The following MED13L variants were observed in gnomAD, a reference collection of about 807,000 sequenced individuals.
The protein encoded by MED13L is mediator of RNA polymerase II transcription subunit 13-like.
In MED13L, 7 loss-of-function variants were observed where a neutral mutation model predicts 220.9. The ratio of observed to expected loss-of-function variants is 0.03; its 90% confidence interval spans 0.02 to 0.06. The LOEUF (loss-of-function observed/expected upper bound fraction) is 0.06. MED13L is among the 10% of genes least tolerant of loss of function. The pLI is 1.00. For synonymous variants in MED13L, 1,011 were observed against 1,015.2 expected (o/e 1.00, Z 0.08); for missense variants, 1,965 against 2,760.5 (o/e 0.71, Z 6.46).
chr12:115,965,272 G>A (rs1876067947), intron 29 of MED13L, among the ~76,000 whole-genome samples: 1 of 152,182 alleles, frequency 6.6e-6, no homozygotes, highest in Admixed American at 6.5e-5. Flanking sequence ...TTCACTGTCT[G>A]GATGCACCAC....
intron 1 of MED13L, among the ~76,000 whole-genome samples, chr12:116,248,183 A>C (rs1478314705): frequency 1.3e-5 from 2 of 152,228 alleles, no homozygotes; most frequent in Non-Finnish European, 2.9e-5. Context: ...TAAAAATAAC[A>C]CAGCTGAATG....
rs891784995 is a variant in MED13L at position 116,079,728 on chromosome 12, G to T, written c.479+16941C>A. On this transcript the variant is annotated intron_variant, in intron 4 of 30. Coordinates refer to ENST00000281928, the MANE Select transcript of MED13L (RefSeq NM_015335.5). Reference sequence around the variant, plus strand: ...ATTGGTATTCTTTTTGTAGAGACAGGGTTTTACCATGTTGCCTAGGCTGGT... The same window carrying T: ...ATTGGTATTCTTTTTGTAGAGACAGTGTTTTACCATGTTGCCTAGGCTGGT... Among the ~76,000 whole-genome samples, 3 of 151,964 alleles carry T rather than the reference G, an allele frequency of 2.0e-5. No individual in the cohort carries two copies. In the East Asian group the frequency reaches 5.8e-4, roughly 29 times the overall value.
At chr12:115,981,469 A>G (rs1054081344) in intron 22 of MED13L, among the ~76,000 whole-genome samples, 3 of 152,214 alleles carry the variant, frequency 2.0e-5, no homozygotes, top group African/African-American at 7.2e-5. Context: ...ATTGTTTTTC[A>G]TCTATATAGA....
At chr12:116,096,560 G>A (rs1349555608) in intron 4 of MED13L, 109 bp downstream of exon 4, 8 of 753,814 alleles carry the variant, frequency 1.1e-5, no homozygotes, top group East Asian at 8.1e-5. Flanking sequence ...GGATCTATTT[G>A]AGTATATCTA....
chr12:116,025,084 T>C (rs1190427007), intron 4 of MED13L, among the ~76,000 whole-genome samples: 1 of 152,098 alleles, frequency 6.6e-6, no homozygotes, highest in Non-Finnish European at 1.5e-5. Flanking sequence ...CACTGCTTTG[T>C]TCTGAAAATA....
chr12:116,166,545 C>T (rs773429501), intron 2 of MED13L, among the ~76,000 whole-genome samples: 2 of 151,956 alleles, frequency 1.3e-5, no homozygotes, highest in South Asian at 2.1e-4. Context: ...GATTGCAATG[C>T]TGCATTCCAG....
intron 2 of MED13L, among the ~76,000 whole-genome samples, chr12:116,236,489 A>G (rs1870093383): frequency 6.6e-6 from 1 of 152,002 alleles, no homozygotes; most frequent in South Asian, 2.1e-4. Flanking sequence ...CATTACAGTT[A>G]GTTTTACTCC....
rs1253857262 is a variant in MED13L, at chr12:115,972,256, T to C, written c.5732-20A>G. The stretch of plus-strand genomic sequence containing the variant: ...TCCAATCTGAAATCAAATATCGCAG[T>C]CATACACAGTCTTTAGAAATTCATA... On this transcript the variant is annotated intron_variant, in intron 25 of 30. Transcript: ENST00000281928. 1 of 1,610,796 alleles carries C rather than the reference T, an allele frequency of 6.2e-7. No individual in the cohort carries two copies. Among genetic ancestry groups the C allele is most frequent in the East Asian group, 2.2e-5 (1 of 44,880 alleles).
At chr12:116,110,743 C>A (rs563477964) in intron 3 of MED13L, among the ~76,000 whole-genome samples, 1 of 152,094 alleles carries the variant, frequency 6.6e-6, no homozygotes, top group Admixed American at 6.5e-5. Flanking sequence ...GGGACACTGA[C>A]GATATGAGCC....
At chr12:116,198,338 T>A (rs1250744490) in intron 2 of MED13L, among the ~76,000 whole-genome samples, 2 of 152,148 alleles carry the variant, frequency 1.3e-5, no homozygotes, top group Non-Finnish European at 2.9e-5. Context: ...CACACACATA[T>A]CACATACTTT....
chr12:116,272,499 T>C (rs1873457325), intron 1 of MED13L, among the ~76,000 whole-genome samples: 1 of 152,048 alleles, frequency 6.6e-6, no homozygotes, highest in Non-Finnish European at 1.5e-5. Flanking sequence ...GAGCTGAATG[T>C]TGCAGTGAGC....
intron 4 of MED13L, among the ~76,000 whole-genome samples, chr12:116,029,433 T>C (rs560073247): frequency 2.0e-5 from 3 of 152,106 alleles, no homozygotes; most frequent in Non-Finnish European, 4.4e-5. Context: ...AAAAAACTAG[T>C]GTAATTAAAC....
At chr12:116,140,502 C>T (rs1310807742) in intron 2 of MED13L, among the ~76,000 whole-genome samples, 1 of 152,138 alleles carries the variant, frequency 6.6e-6, no homozygotes. Flanking sequence ...TACCCACACA[C>T]ATATATAGAT....
intron 14 of MED13L, among the ~76,000 whole-genome samples, chr12:116,002,481 G>A (rs904300027): frequency 6.6e-6 from 1 of 152,010 alleles, no homozygotes; most frequent in African/African-American, 2.4e-5. Flanking sequence ...TTAGGGCAAA[G>A]AATATACTCA....
chr12:116,141,337 T>G (rs1349160218), intron 2 of MED13L, among the ~76,000 whole-genome samples: 7 of 152,198 alleles, frequency 4.6e-5, no homozygotes, highest in Admixed American at 4.6e-4. Context: ...ATTATAATCC[T>G]GAAGTTGATT....
At chr12:116,109,377 C>G (rs1260269595) in intron 3 of MED13L, among the ~76,000 whole-genome samples, 1 of 152,072 alleles carries the variant, frequency 6.6e-6, no homozygotes, top group East Asian at 1.9e-4. Flanking sequence ...AAATGAAATA[C>G]CTGCATTTCC....
chr12:116,044,548 C>T lies in MED13L; in HGVS notation c.480-21947G>A, dbSNP rs1421015841. On this transcript the variant is annotated intron_variant, in intron 4 of 30. Coordinates refer to ENST00000281928, the MANE Select transcript of MED13L (RefSeq NM_015335.5). ...AATCCTAACTCCTAAGAACACACAA[C>T]AGCATCTAAAGACAGATTCAAAAGC... Among the ~76,000 whole-genome samples the T allele has an allele frequency of 2.6e-5, 4 of 152,304 alleles. No individual in the cohort carries two copies. The East Asian group carries it at 7.7e-4, about 29-fold the overall frequency.
intron 1 of MED13L, chr12:116,276,576 C>T (rs1234757920): frequency 8.1e-7 from 1 of 1,227,302 alleles, no homozygotes; most frequent in Non-Finnish European, 1.0e-6. Flanking sequence ...TATTTTAGGG[C>T]GAAATTGCAG....
chr12:116,050,180 A>C (rs182166552), intron 4 of MED13L, among the ~76,000 whole-genome samples: 16 of 152,344 alleles, frequency 1.1e-4, no homozygotes, highest in African/African-American at 3.8e-4. Flanking sequence ...TATGACTCTA[A>C]GAGTTGAATT....
Sources: gnomAD v4.1 joint callset for allele counts (sites outside exome capture counted in the v4.1 genomes callset) on GRCh38, gnomAD v4.1.1 for gene constraint, MANE v1.5 for transcripts, NCBI Gene and HGNC (gene_info 2026-07-23, HGNC 2026-07-21) for gene names.